Variants in DLG2 observed in about 807,000 individuals in gnomAD.
The protein encoded by DLG2 is disks large homolog 2.
A neutral mutation model predicts 132.5 loss-of-function variants in DLG2; 45 were observed. The observed-to-expected ratio is 0.34, with a 90% CI of 0.27 to 0.44. The LOEUF (loss-of-function observed/expected upper bound fraction) is 0.44, where lower values mean the gene tolerates loss of function less well. DLG2 is among the 20% of genes least tolerant of loss of function. The pLI is 1.00. For missense variants in DLG2, 1,045 were observed against 1,196.9 expected (o/e 0.87, Z 1.87); for synonymous variants, 424 against 419.6 (o/e 1.01, Z -0.13).
intron 21 of DLG2, among the ~76,000 whole-genome samples, chr11:83,510,333 C>T (rs1276044148): frequency 6.6e-6 from 1 of 151,942 alleles, no homozygotes; most frequent in Admixed American, 6.6e-5. Flanking sequence ...TCTGATGTCA[C>T]TCCAGACTCA....
intron 18 of DLG2, among the ~76,000 whole-genome samples, chr11:83,785,572 T>G (rs1395237934): frequency 6.6e-6 from 1 of 152,254 alleles, no homozygotes; most frequent in Non-Finnish European, 1.5e-5. Flanking sequence ...TTTGAATAAA[T>G]TAATTTCAAA....
chr11:85,192,863 T>A (rs775968981), intron 4 of DLG2, among the ~76,000 whole-genome samples: 24 of 152,332 alleles, frequency 1.6e-4, no homozygotes, highest in Admixed American at 3.3e-4. Context: ...CATGTTCCTG[T>A]GGCAGCATGG....
chr11:83,821,632 T>C (rs557667122), intron 17 of DLG2, among the ~76,000 whole-genome samples: 3 of 152,302 alleles, frequency 2.0e-5, no homozygotes, highest in South Asian at 4.1e-4. Context: ...GTTTTCATTA[T>C]TGAACACTTA....
chr11:84,836,832 T>C (rs1038073107), intron 6 of DLG2, among the ~76,000 whole-genome samples: 2 of 151,666 alleles, frequency 1.3e-5, no homozygotes, highest in Non-Finnish European at 1.5e-5. Flanking sequence ...TCTCAAATGA[T>C]TAATTTATAC....
intron 7 of DLG2, among the ~76,000 whole-genome samples, chr11:84,332,988 G>C (rs2098467926): frequency 6.6e-6 from 1 of 152,180 alleles, no homozygotes; most frequent in Admixed American, 6.5e-5. Context: ...GAATTCAGTT[G>C]AGTGGATGAG....
rs1397340789 is a variant in DLG2, at chr11:84,310,573, T to C, written c.520-59282A>G. Among the ~76,000 whole-genome samples the C allele has an allele frequency of 2.0e-5, 3 of 152,038 alleles. No homozygotes were observed. The East Asian group carries it at 5.8e-4, about 29-fold the overall frequency. ...CATCCAGCAATAAGAGTGCTAGGAG[T>C]GTTGACCAAACGGCTTCACATCTGC... On this transcript the variant is annotated intron_variant, in intron 7 of 27. Transcript: ENST00000376104.
chr11:83,713,428 C>A (rs1448340237), intron 18 of DLG2, among the ~76,000 whole-genome samples: 1 of 152,038 alleles, frequency 6.6e-6, no homozygotes, highest in Non-Finnish European at 1.5e-5. Flanking sequence ...TGGAGAATGG[C>A]AAGACAAAGT....
intron 15 of DLG2, among the ~76,000 whole-genome samples, chr11:83,924,469 A>G (rs1308609969): frequency 6.6e-6 from 1 of 152,114 alleles, no homozygotes; most frequent in Non-Finnish European, 1.5e-5. Flanking sequence ...CTCTTCTCTG[A>G]GAAGTAAATT....
chr11:84,111,800 T>A (rs978571226), intron 9 of DLG2, among the ~76,000 whole-genome samples: 1 of 152,144 alleles, frequency 6.6e-6, no homozygotes, highest in African/African-American at 2.4e-5. Context: ...ACAGCATGAG[T>A]ACGGCACAAT....
Position 84,822,501 on chromosome 11 carries a change from C to T in DLG2, c.358-287770G>A, listed in dbSNP as rs559989542. On this transcript the variant is annotated intron_variant, in intron 6 of 27. Coordinates refer to ENST00000376104, the MANE Select transcript of DLG2 (RefSeq NM_001142699.3). Reference sequence around the variant, plus strand: ...TAGTTATTTTCCAAAAATTTAAACTCGCCTCAAAAGTTGTTTATGAAACAT... The same window carrying T: ...TAGTTATTTTCCAAAAATTTAAACTTGCCTCAAAAGTTGTTTATGAAACAT... Among the ~76,000 whole-genome samples, 18 of 151,950 alleles carry T rather than the reference C, an allele frequency of 1.2e-4. 1 individual carries two copies. The South Asian group carries it at 2.5e-3, about 21-fold the overall frequency.
At chr11:83,632,256 T>A (rs945553409) in intron 19 of DLG2, 1 of 152,166 alleles carries the variant, frequency 6.6e-6, no homozygotes, top group Non-Finnish European at 1.5e-5. Context: ...AAAGTTCAAC[T>A]CAAGCATGTA....
At chr11:84,166,346 C>CA (rs145139009) in intron 8 of DLG2, among the ~76,000 whole-genome samples, 2 of 151,276 alleles carry the variant, frequency 1.3e-5, no homozygotes, top group African/African-American at 4.9e-5. Context: ...TACTAAAATA[C>CA]AAAAAATTAT....
intron 3 of DLG2, among the ~76,000 whole-genome samples, chr11:85,368,096 T>C (rs979311403): frequency 2.6e-5 from 4 of 152,222 alleles, no homozygotes; most frequent in Non-Finnish European, 5.9e-5. Context: ...TTTACATGTA[T>C]TTGATTTTAA....
chr11:84,134,334 T>G (rs1401146069), intron 9 of DLG2, among the ~76,000 whole-genome samples: 1 of 152,136 alleles, frequency 6.6e-6, no homozygotes, highest in African/African-American at 2.4e-5. Flanking sequence ...GTTTACTTCC[T>G]TGGACTATTT....
chr11:84,565,054 C>T (rs1235596266), intron 6 of DLG2, among the ~76,000 whole-genome samples: 1 of 152,118 alleles, frequency 6.6e-6, no homozygotes, highest in Non-Finnish European at 1.5e-5. Context: ...TGATATTACT[C>T]CTTCCTGATA....
chr11:84,123,093 G>A (rs114236014), intron 9 of DLG2, among the ~76,000 whole-genome samples: 1 of 152,274 alleles, frequency 6.6e-6, no homozygotes, highest in African/African-American at 2.4e-5. Context: ...ATGAAAAAAA[G>A]TGAGTTTAAA....
chr11:83,874,123 A>G (rs1296259953), intron 16 of DLG2, among the ~76,000 whole-genome samples: 1 of 151,946 alleles, frequency 6.6e-6, no homozygotes, highest in African/African-American at 2.4e-5. Flanking sequence ...AGAGAGACAG[A>G]GAAAGAAGAG....
chr11:84,353,548 T>C (rs1398681929), intron 7 of DLG2, among the ~76,000 whole-genome samples: 1 of 152,186 alleles, frequency 6.6e-6, no homozygotes, highest in Non-Finnish European at 1.5e-5. Flanking sequence ...TTAAATCAAG[T>C]TACAGTTATG....
chr11:83,805,301 C>A (rs897915222), intron 17 of DLG2, among the ~76,000 whole-genome samples: 1 of 151,594 alleles, frequency 6.6e-6, no homozygotes, highest in Non-Finnish European at 1.5e-5. Flanking sequence ...TTTATAAATT[C>A]TTTATTTATT....
Sources: allele counts gnomAD v4.1 joint callset (sites outside exome capture counted in the v4.1 genomes callset), GRCh38; gene constraint gnomAD v4.1.1; transcripts MANE v1.5; gene names NCBI Gene and HGNC (gene_info 2026-07-23, HGNC 2026-07-21).